Variants in GRID2 observed in about 807,000 individuals in gnomAD.
The protein encoded by GRID2 is glutamate receptor ionotropic, delta-2.
Under a neutral mutation model 114.8 loss-of-function variants are expected in GRID2, and 33 were observed. That is an observed-to-expected ratio of 0.29 (90% confidence interval 0.22 to 0.38). The LOEUF (loss-of-function observed/expected upper bound fraction) is 0.38. Ranked by LOEUF, GRID2 falls within the 10% of genes least tolerant of loss-of-function variation. GRID2 has a pLI of 1.00. For synonymous variants in GRID2, 505 were observed against 449.9 expected (o/e 1.12, Z -1.55); for missense variants, 1,184 against 1,257.7 (o/e 0.94, Z 0.89).
At position 93,224,765 on chromosome 4, in the gene GRID2, C is replaced by T. The variant is rs1745290914; in HGVS notation, c.1115C>T (p.Thr372Ile). Reference protein sequence around the residue: ...PWQGGRSMLETIKKGGVSGLT... With the variant: ...PWQGGRSMLEIIKKGGVSGLT... ...CAGGGTGGGCGCTCCATGTTGGAGACCATCAAGAAGGTAACTTCTTAATTT... is the reference window on the plus strand; with the variant it reads ...CAGGGTGGGCGCTCCATGTTGGAGATCATCAAGAAGGTAACTTCTTAATTT... The change falls in exon 7 of 16, where the codon ACC becomes ATC. Residue 372 changes from threonine (T) to isoleucine (I), a missense_variant. Physicochemically the swap from Thr to Ile is moderately conservative, Grantham distance 89 (BLOSUM62 -1). Transcript: ENST00000282020. 1 of 1,607,606 alleles carries T rather than the reference C, an allele frequency of 6.2e-7. No individual in the cohort carries two copies. The highest frequency in any genetic ancestry group is 8.5e-7 in the Non-Finnish European group (1 of 1,175,804).
At chr4:93,281,326 C>T (rs1325590325) in intron 8 of GRID2, among the ~76,000 whole-genome samples, 3 of 151,598 alleles carry the variant, frequency 2.0e-5, no homozygotes, top group Middle Eastern at 6.8e-3. Flanking sequence ...GAAAAGTGTC[C>T]TTGAGTAACG....
chr4:92,336,825 T>G lies in GRID2; in HGVS notation c.88+32081T>G, dbSNP rs142356538. The stretch of plus-strand genomic sequence containing the variant: ...GCTGCTTCTTCTTCAGGACCATTGA[T>G]TTTTTTGCTTCCTATATCTAGATGA... On this transcript the variant is annotated intron_variant, in intron 1 of 15. Coordinates refer to ENST00000282020, the MANE Select transcript of GRID2 (RefSeq NM_001510.4). 1.8e-3 allele frequency among the ~76,000 whole-genome samples: 267 copies of G among 152,186 alleles called. 2 individuals carry two copies. The highest frequency in any genetic ancestry group is 6.1e-3 in the African/African-American group (254 of 41,548).
intron 2 of GRID2, among the ~76,000 whole-genome samples, chr4:92,797,093 G>A (rs1366692591): frequency 6.6e-6 from 1 of 151,832 alleles, no homozygotes; most frequent in Non-Finnish European, 1.5e-5. Context: ...GTTTATAGTG[G>A]ATATCAAGTA....
At chr4:92,473,534 G>A (rs1023220036) in intron 1 of GRID2, among the ~76,000 whole-genome samples, 5 of 151,968 alleles carry the variant, frequency 3.3e-5, no homozygotes, top group Admixed American at 1.3e-4. Context: ...ACCATTAAGC[G>A]TAAAGTTAGA....
chr4:92,641,876 A>G (rs535814624), intron 2 of GRID2, among the ~76,000 whole-genome samples: 26 of 150,366 alleles, frequency 1.7e-4, no homozygotes, highest in African/African-American at 6.3e-4. Flanking sequence ...AAATGAGAAC[A>G]TGCAGTATTT....
chr4:93,666,805 C>T (rs1723988323), intron 14 of GRID2, among the ~76,000 whole-genome samples: 1 of 151,962 alleles, frequency 6.6e-6, no homozygotes, highest in South Asian at 2.1e-4. Flanking sequence ...CAACAGTTCC[C>T]AGAATCTTCC....
intron 2 of GRID2, among the ~76,000 whole-genome samples, chr4:93,064,125 AATATAATAT>A (rs1728052680): frequency 2.0e-5 from 1 of 51,098 alleles, no homozygotes; most frequent in Non-Finnish European, 3.9e-5. Flanking sequence ...AATTTATTAA[AATATAATAT>A]ATATAATAAC....
At chr4:93,396,244 AT>A (rs1324488480) in intron 9 of GRID2, among the ~76,000 whole-genome samples, 28 of 152,060 alleles carry the variant, frequency 1.8e-4, no homozygotes, top group Admixed American at 9.9e-4. Flanking sequence ...TACTGAGAAC[AT>A]TGACAAATAA....
chr4:93,110,837 A>G lies in GRID2; in HGVS notation c.619A>G (p.Met207Val). Reference sequence around the variant, plus strand: ...GAAGGTAGAAAACAACATCAATAAAATGATTACCACTCTCTTTGACACCAT... The same window carrying G: ...GAAGGTAGAAAACAACATCAATAAAGTGATTACCACTCTCTTTGACACCAT... ...LQKVENNINK[M>V]ITTLFDTMRI... Residue 207 changes from methionine (M) to valine (V), a missense_variant, in exon 4 of 16, where the codon ATG (methionine) becomes GTG (valine). Coordinates refer to ENST00000282020, the MANE Select transcript of GRID2 (RefSeq NM_001510.4). 6.2e-7 allele frequency: 1 copy of G among 1,611,074 alleles called. No individual in the cohort carries two copies. The highest frequency in any genetic ancestry group is 8.5e-7 in the Non-Finnish European group (1 of 1,177,224).
intron 1 of GRID2, among the ~76,000 whole-genome samples, chr4:92,381,343 T>C (rs1172251078): frequency 2.0e-5 from 3 of 152,048 alleles, no homozygotes; most frequent in African/African-American, 4.8e-5. Context: ...TTCTAATATG[T>C]ACTTTACATG....
chr4:92,941,510 A>G (rs1032695220), intron 2 of GRID2, among the ~76,000 whole-genome samples: 5 of 152,094 alleles, frequency 3.3e-5, no homozygotes, highest in Non-Finnish European at 7.4e-5. Flanking sequence ...TGATCTTTTC[A>G]AAAAACCAGC....
chr4:92,632,282 C>G (rs947529623), intron 2 of GRID2, among the ~76,000 whole-genome samples: 4 of 152,054 alleles, frequency 2.6e-5, no homozygotes, highest in African/African-American at 9.7e-5. Context: ...TATTTTTCCA[C>G]TGAAATAGTT....
chr4:92,905,795 T>C (rs993659727), intron 2 of GRID2, among the ~76,000 whole-genome samples: 3 of 152,060 alleles, frequency 2.0e-5, no homozygotes, highest in Non-Finnish European at 4.4e-5. Flanking sequence ...CTGGGAGGTA[T>C]TGCTACAATC....
chr4:92,977,657 C>G (rs1247390406), intron 2 of GRID2, among the ~76,000 whole-genome samples: 1 of 152,070 alleles, frequency 6.6e-6, no homozygotes, highest in Non-Finnish European at 1.5e-5. Context: ...AAAACCATTG[C>G]TGTAATGTGG....
chr4:92,839,234 CTT>C (rs1560628469), intron 2 of GRID2, among the ~76,000 whole-genome samples: 2 of 150,604 alleles, frequency 1.3e-5, no homozygotes. Flanking sequence ...TATGTTTAGA[CTT>C]TGGTTCTTAT....
chr4:92,889,898 G>A (rs575990870), intron 2 of GRID2, among the ~76,000 whole-genome samples: 2 of 152,066 alleles, frequency 1.3e-5, no homozygotes, highest in Non-Finnish European at 2.9e-5. Flanking sequence ...AAACAGCATG[G>A]TACTGGTACC....
At chr4:92,864,613 C>T (rs1341840361) in intron 2 of GRID2, among the ~76,000 whole-genome samples, 2 of 152,140 alleles carry the variant, frequency 1.3e-5, no homozygotes, top group African/African-American at 4.8e-5. Context: ...ATAAACCACA[C>T]CCTATTGCCT....
At chr4:93,754,628 A>G (rs1419545315) in intron 14 of GRID2, among the ~76,000 whole-genome samples, 1 of 152,218 alleles carries the variant, frequency 6.6e-6, no homozygotes, top group Non-Finnish European at 1.5e-5. Flanking sequence ...CAATTTACCA[A>G]TACTCTGAGC....
At chr4:93,599,988 G>C (rs950182314) in intron 13 of GRID2, among the ~76,000 whole-genome samples, 7 of 152,100 alleles carry the variant, frequency 4.6e-5, no homozygotes, top group African/African-American at 1.7e-4. Context: ...GTATGCACAG[G>C]GGAGAAACCA....
Sources: gnomAD v4.1 joint callset for allele counts (sites outside exome capture counted in the v4.1 genomes callset) on GRCh38, gnomAD v4.1.1 for gene constraint, MANE v1.5 for transcripts, NCBI Gene and HGNC (gene_info 2026-07-23, HGNC 2026-07-21) for gene names.